Variants in IL1RAPL1 observed in about 807,000 individuals in gnomAD.
IL1RAPL1 encodes the protein interleukin-1 receptor accessory protein-like 1.
IL1RAPL1 carries 3 observed loss-of-function variants against 48.4 expected under a neutral mutation model. The ratio of observed to expected loss-of-function variants is 0.06; its 90% confidence interval spans 0.03 to 0.16. The LOEUF is 0.16. IL1RAPL1 is among the 10% of genes least tolerant of loss of function. The pLI, the probability that IL1RAPL1 is intolerant of heterozygous loss-of-function variation, is 1.00. For missense variants in IL1RAPL1, 349 were observed against 530.6 expected, an observed-to-expected ratio of 0.66 and a Z score of 3.36; for synonymous variants, 185 against 187.7, an observed-to-expected ratio of 0.99 and a Z score of 0.12.
intron 2 of IL1RAPL1, among the ~76,000 whole-genome samples, chrX:28,964,395 A>G (rs1924868658): frequency 1.8e-5 from 2 of 111,771 alleles, no homozygotes; most frequent in South Asian, 7.3e-4. Flanking sequence ...ATAGTATTCC[A>G]TACGATGGAT....
In IL1RAPL1 at chrX:29,802,973, A is replaced by ATGTG. The variant is rs1402974765; in HGVS notation, c.779-114490_779-114489insGTGT. Among the ~76,000 whole-genome samples, 51 of 89,888 alleles carry ATGTG rather than the reference A, an allele frequency of 5.7e-4. 2 individuals are homozygous for ATGTG. The highest frequency in any genetic ancestry group is 1.9e-3 in the African/African-American group (45 of 23,453). 78.1% of individuals were successfully genotyped at this position (89,888 alleles called of 115,157 possible). A position where few individuals can be genotyped will look rare whatever the true frequency, so the allele number is the denominator to read the frequency against. ...CATATATGTATACATGTGTACATAT[A>ATGTG]TACATACATGTGTACATATATATGT... On this transcript the variant is annotated intron_variant, in intron 6 of 10. Coordinates refer to ENST00000378993, the MANE Select transcript of IL1RAPL1 (RefSeq NM_014271.4).
chrX:29,007,460 T>G (rs1226957363), intron 2 of IL1RAPL1, among the ~76,000 whole-genome samples: 2 of 111,990 alleles, frequency 1.8e-5, no homozygotes, highest in Admixed American at 9.5e-5. Context: ...AATACATTTT[T>G]GAAGGCAGAA....
At chrX:29,041,422 A>T (rs1926843367) in intron 2 of IL1RAPL1, among the ~76,000 whole-genome samples, 1 of 112,092 alleles carries the variant, frequency 8.9e-6, no homozygotes, top group Non-Finnish European at 1.9e-5. Flanking sequence ...CTTGAGAAAG[A>T]TATCCTGCCT....
chrX:28,850,793 A>G (rs1655403855), intron 2 of IL1RAPL1, among the ~76,000 whole-genome samples: 1 of 109,336 alleles, frequency 9.1e-6, no homozygotes, highest in Admixed American at 9.8e-5. Context: ...CACAAGTTTT[A>G]AAAACCTGAT....
At chrX:28,673,991 A>G (rs1303101493) in intron 1 of IL1RAPL1, among the ~76,000 whole-genome samples, 2 of 111,759 alleles carry the variant, frequency 1.8e-5, no homozygotes, top group Non-Finnish European at 3.8e-5. Context: ...AAAGGTTCAT[A>G]CTGAGAAGCA....
intron 5 of IL1RAPL1, among the ~76,000 whole-genome samples, chrX:29,451,440 G>A (rs897407928): frequency 3.6e-5 from 4 of 110,908 alleles, no homozygotes; most frequent in Non-Finnish European, 5.7e-5. Flanking sequence ...AGAGATCTGC[G>A]TGACTTGGCC....
At chrX:29,480,797 G>A (rs1157035190) in intron 5 of IL1RAPL1, among the ~76,000 whole-genome samples, 6 of 109,200 alleles carry the variant, frequency 5.5e-5, no homozygotes, top group African/African-American at 1.7e-4. Flanking sequence ...TTTTTATATA[G>A]TACATAATAG....
chrX:29,768,108 A>G (rs1324013416), intron 6 of IL1RAPL1, among the ~76,000 whole-genome samples: 1 of 111,912 alleles, frequency 8.9e-6, no homozygotes, highest in Non-Finnish European at 1.9e-5. Flanking sequence ...CTCCTTACAA[A>G]TCATACTTAT....
chrX:29,207,363 C>A (rs1250036706), intron 2 of IL1RAPL1, among the ~76,000 whole-genome samples: 2 of 112,098 alleles, frequency 1.8e-5, no homozygotes, highest in African/African-American at 6.5e-5. Context: ...AATAGTCATT[C>A]AAGATCTAAA....
intron 2 of IL1RAPL1, among the ~76,000 whole-genome samples, chrX:29,191,184 C>T (rs1343652344): frequency 1.8e-5 from 2 of 111,220 alleles, no homozygotes; most frequent in Admixed American, 1.9e-4. Context: ...GCTTTCTTGC[C>T]TATTTATATA....
chrX:29,699,660 C>A (rs901956034), intron 6 of IL1RAPL1, among the ~76,000 whole-genome samples: 4 of 112,376 alleles, frequency 3.6e-5, no homozygotes, highest in Non-Finnish European at 7.5e-5. Context: ...TCTTCACTTT[C>A]TCTTTTCTGT....
At chrX:28,687,897 T>A (rs1231408799) in intron 1 of IL1RAPL1, among the ~76,000 whole-genome samples, 1 of 109,687 alleles carries the variant, frequency 9.1e-6, no homozygotes, top group Non-Finnish European at 1.9e-5. Context: ...AGGTCAGGAG[T>A]TAGAGACCAG....
intron 2 of IL1RAPL1, among the ~76,000 whole-genome samples, chrX:28,874,006 G>C (rs1032702726): frequency 7.3e-5 from 8 of 108,901 alleles, no homozygotes; most frequent in Admixed American, 9.9e-5. Context: ...TTCTTTGTGA[G>C]ATGGATGGGG....
At chrX:29,898,836 T>C (rs1236587844) in intron 6 of IL1RAPL1, among the ~76,000 whole-genome samples, 1 of 111,999 alleles carries the variant, frequency 8.9e-6, no homozygotes, top group Non-Finnish European at 1.9e-5. Flanking sequence ...AAAATATCAC[T>C]GCCATGAAGA....
At chrX:29,111,186 A>G (rs1190990799) in intron 2 of IL1RAPL1, among the ~76,000 whole-genome samples, 1 of 111,377 alleles carries the variant, frequency 9.0e-6, no homozygotes, top group Non-Finnish European at 1.9e-5. Flanking sequence ...ATGTGTCTCT[A>G]CCAAATGTTC....
intron 1 of IL1RAPL1, among the ~76,000 whole-genome samples, chrX:28,758,135 A>G (rs1476285909): frequency 8.9e-5 from 10 of 112,371 alleles, no homozygotes; most frequent in Non-Finnish European, 1.7e-4. Context: ...TGCAAATATT[A>G]TAGCAGGAGA....
At chrX:29,848,751 G>T in intron 6 of IL1RAPL1, among the ~76,000 whole-genome samples, 1 of 111,556 alleles carries the variant, frequency 9.0e-6, no homozygotes, top group Non-Finnish European at 1.9e-5. Flanking sequence ...GACTTAGTAT[G>T]TGCCTCTAGT....
intron 2 of IL1RAPL1, among the ~76,000 whole-genome samples, chrX:29,261,935 T>A (rs1248264107): frequency 8.9e-6 from 1 of 111,758 alleles, no homozygotes; most frequent in African/African-American, 3.3e-5. Flanking sequence ...TGTTTAAATA[T>A]CTCTCTTTAC....
chrX:28,679,479 C>T (rs1466797343), intron 1 of IL1RAPL1, among the ~76,000 whole-genome samples: 3 of 110,705 alleles, frequency 2.7e-5, no homozygotes, highest in Admixed American at 9.6e-5. Flanking sequence ...TGTAATCTCA[C>T]TTGTCCTTGA....
Sources: allele counts gnomAD v4.1 joint callset (sites outside exome capture counted in the v4.1 genomes callset), GRCh38; gene constraint gnomAD v4.1.1; transcripts MANE v1.5; gene names NCBI Gene and HGNC (gene_info 2026-07-23, HGNC 2026-07-21).